KLF12: variants seen among roughly 807,000 people sequenced by gnomAD.
KLF12 encodes Krueppel-like factor 12.
A neutral mutation model predicts 37.8 loss-of-function variants in KLF12; 9 were observed. The ratio of observed to expected loss-of-function variants is 0.24; its 90% confidence interval spans 0.14 to 0.42. The LOEUF (loss-of-function observed/expected upper bound fraction) is 0.42, where lower values mean the gene tolerates loss of function less well. Among genes scored for constraint, KLF12 ranks in the 10% least tolerant of loss-of-function variants. The pLI is 1.00. For synonymous variants in KLF12, 208 were observed against 202.1 expected (o/e 1.03, Z -0.25); for missense variants, 411 against 516.0 (o/e 0.80, Z 1.97).
intron 2 of KLF12, among the ~76,000 whole-genome samples, chr13:73,988,428 C>T (rs1288323506): frequency 2.6e-5 from 4 of 152,208 alleles, no homozygotes; most frequent in Admixed American, 2.6e-4. Flanking sequence ...AAGGCAGAGT[C>T]TAAATACAAT....
chr13:73,960,545 A>G (rs1890992071), intron 2 of KLF12, among the ~76,000 whole-genome samples: 1 of 152,218 alleles, frequency 6.6e-6, no homozygotes, highest in African/African-American at 2.4e-5. Flanking sequence ...TAGCAATCAT[A>G]AAGTGTAAAA....
chr13:73,922,886 C>A (rs968253119), intron 3 of KLF12, among the ~76,000 whole-genome samples: 1 of 152,146 alleles, frequency 6.6e-6, no homozygotes, highest in African/African-American at 2.4e-5. Flanking sequence ...TGAATATTAA[C>A]CCCCAGGCCT....
At chr13:73,701,069 A>G (rs541364921) in intron 7 of KLF12, among the ~76,000 whole-genome samples, 1 of 152,292 alleles carries the variant, frequency 6.6e-6, no homozygotes, top group South Asian at 2.1e-4. Flanking sequence ...AACTTGCTAG[A>G]AAATAGAAAG....
chr13:73,988,653 C>T (rs1002904832), intron 2 of KLF12, among the ~76,000 whole-genome samples: 1 of 152,100 alleles, frequency 6.6e-6, no homozygotes, highest in Non-Finnish European at 1.5e-5. Context: ...ATTTGGAAGT[C>T]CCCAGTCAGA....
At chr13:74,007,876 T>C (rs1329775984) in intron 1 of KLF12, among the ~76,000 whole-genome samples, 2 of 148,520 alleles carry the variant, frequency 1.3e-5, no homozygotes, top group African/African-American at 2.5e-5. Flanking sequence ...AACAAACAAC[T>C]GGTACATGGA....
chr13:74,068,853 G>A (rs1033022767), intron 1 of KLF12, among the ~76,000 whole-genome samples: 1 of 151,978 alleles, frequency 6.6e-6, no homozygotes, highest in Admixed American at 6.6e-5. Context: ...CACTGCACCC[G>A]GCCTATTTGA....
chr13:74,244,453 C>A, the KLF12 span, among the ~76,000 whole-genome samples: 1 of 152,154 alleles, frequency 6.6e-6, no homozygotes, highest in African/African-American at 2.4e-5. Context: ...AAGCTTACAC[C>A]ATCACAAGTT....
chr13:73,972,004 C>A (rs149129838), intron 2 of KLF12, among the ~76,000 whole-genome samples: 3 of 152,196 alleles, frequency 2.0e-5, no homozygotes, highest in Admixed American at 6.5e-5. Context: ...TTGGGTGCTA[C>A]CGAATCATTA....
At chr13:73,864,156 T>A (rs371066337) in intron 3 of KLF12, among the ~76,000 whole-genome samples, 1 of 152,272 alleles carries the variant, frequency 6.6e-6, no homozygotes, top group Admixed American at 6.5e-5. Context: ...TAATTTGTAG[T>A]AAATGGAATT....
intron 1 of KLF12, among the ~76,000 whole-genome samples, chr13:74,047,841 G>C (rs573582426): frequency 6.6e-6 from 1 of 152,328 alleles, no homozygotes; most frequent in South Asian, 2.1e-4. Flanking sequence ...GTTTCAGTTA[G>C]TGTATCATTT....
chr13:73,779,813 A>G (rs1396762179), intron 5 of KLF12, among the ~76,000 whole-genome samples: 1 of 152,146 alleles, frequency 6.6e-6, no homozygotes, highest in African/African-American at 2.4e-5. Context: ...GAATTGTTGG[A>G]CACGTTCTTG....
chr13:73,716,233 TAGAAAAACAG>T (rs1566315155), intron 6 of KLF12, among the ~76,000 whole-genome samples: 7 of 152,208 alleles, frequency 4.6e-5, no homozygotes. Flanking sequence ...AATGCCCCAG[TAGAAAAACAG>T]GATTAGTTTA....
the KLF12 span, among the ~76,000 whole-genome samples, chr13:74,264,880 G>T: frequency 3.0e-4 from 45 of 152,100 alleles, no homozygotes; most frequent in African/African-American, 1.1e-3. Flanking sequence ...GTAGTCTTAG[G>T]TTAGTCTATT....
intron 1 of KLF12, among the ~76,000 whole-genome samples, chr13:74,100,674 A>G (rs1876285874): frequency 1.3e-5 from 2 of 151,634 alleles, no homozygotes; most frequent in African/African-American, 4.9e-5. Flanking sequence ...ATATGTATAT[A>G]AACATAGACA....
chr13:73,925,201 T>C (rs945943317), intron 3 of KLF12, among the ~76,000 whole-genome samples: 1 of 152,220 alleles, frequency 6.6e-6, no homozygotes, highest in Non-Finnish European at 1.5e-5. Flanking sequence ...AGAACAACCT[T>C]GTATTGGAAA....
intron 3 of KLF12, among the ~76,000 whole-genome samples, chr13:73,905,110 A>G (rs1888213849): frequency 6.6e-6 from 1 of 152,180 alleles, no homozygotes; most frequent in Non-Finnish European, 1.5e-5. Flanking sequence ...TTTTTAACAT[A>G]TACTTAATCT....
intron 1 of KLF12, among the ~76,000 whole-genome samples, chr13:74,109,153 C>T (rs1876836315): frequency 6.6e-6 from 1 of 151,962 alleles, no homozygotes; most frequent in Admixed American, 6.6e-5. Flanking sequence ...ACAGATAAAT[C>T]ATCAACTAGT....
intron 1 of KLF12, among the ~76,000 whole-genome samples, chr13:74,096,181 T>C (rs1454258767): frequency 6.6e-6 from 1 of 152,232 alleles, no homozygotes; most frequent in Admixed American, 6.5e-5. Flanking sequence ...TTTGAATTGC[T>C]GATACTGAAA....
At chr13:74,167,323 G>A in the KLF12 span, among the ~76,000 whole-genome samples, 3 of 152,154 alleles carry the variant, frequency 2.0e-5, no homozygotes, top group Admixed American at 2.0e-4. Flanking sequence ...AGGTCAAAGG[G>A]GATAGGACAG....
Sources: gnomAD v4.1 joint callset for allele counts (sites outside exome capture counted in the v4.1 genomes callset) on GRCh38, gnomAD v4.1.1 for gene constraint, MANE v1.5 for transcripts, NCBI Gene and HGNC (gene_info 2026-07-23, HGNC 2026-07-21) for gene names.